CTPS1: variants seen among roughly 807,000 people sequenced by gnomAD.
CTPS1 encodes the protein CTP synthase 1.
Under a neutral mutation model 80.5 loss-of-function variants are expected in CTPS1, and 25 were observed. The observed-to-expected ratio is 0.31, with a 90% CI of 0.23 to 0.43. CTPS1 has a LOEUF of 0.43. Among genes scored for constraint, CTPS1 ranks in the 20% least tolerant of loss-of-function variants. The pLI is 1.00. For synonymous variants in CTPS1, 267 were observed against 252.5 expected, an observed-to-expected ratio of 1.06 and a Z score of -0.54; for missense variants, 442 against 725.7, an observed-to-expected ratio of 0.61 and a Z score of 4.49.
At chr1:40,980,436 G>T (rs1382529115) in intron 1 of CTPS1, 1 of 152,374 alleles carries the variant, frequency 6.6e-6, no homozygotes, top group African/African-American at 2.4e-5. Flanking sequence ...GGGGGTCGGG[G>T]CGCTGGCGGT....
At chr1:41,000,941 T>C (rs1558158421) in intron 9 of CTPS1, 88 bp from the exon 10 acceptor site, 2 of 791,548 alleles carry the variant, frequency 2.5e-6, no homozygotes, top group Non-Finnish European at 3.8e-6. Flanking sequence ...AAGACAACTT[T>C]GATAAAATGA....
intron 12 of CTPS1, chr1:41,004,179 G>A (rs1642976657): frequency 6.6e-6 from 1 of 152,252 alleles, no homozygotes; most frequent in African/African-American, 2.4e-5. Flanking sequence ...ATTCTCTGTA[G>A]CCCACCCGAC....
chr1:40,998,138 C>G (rs999698746), intron 9 of CTPS1, among the ~76,000 whole-genome samples: 2 of 152,102 alleles, frequency 1.3e-5, no homozygotes, highest in African/African-American at 4.8e-5. Flanking sequence ...TTGGCTCATG[C>G]CTGTAATCCC....
At position 40,996,551 on chromosome 1, in the gene CTPS1, A is replaced by C. The variant is rs577664690; in HGVS notation, c.872+483A>C. 3.2e-4 allele frequency among the ~76,000 whole-genome samples: 49 copies of C among 152,284 alleles called. No individual in the cohort carries two copies. The South Asian group carries it at 0.01, about 32-fold the overall frequency. ...CACTACATCCTTTTAAGGCTCGGTGATGCTGTCACATTCCTTCAGAAATCT... is the reference window on the plus strand; with the variant it reads ...CACTACATCCTTTTAAGGCTCGGTGCTGCTGTCACATTCCTTCAGAAATCT... On this transcript the variant is annotated intron_variant, in intron 8 of 18. Transcript: ENST00000650070.
chr1:40,988,533 A>G (rs1355730444), intron 4 of CTPS1, 61 bp from the exon 5 acceptor site: 10 of 1,113,134 alleles, frequency 9.0e-6, no homozygotes, highest in Non-Finnish European at 1.2e-5. Context: ...CAGTTGTTAG[A>G]AAACTAAACT....
intron 13 of CTPS1, among the ~76,000 whole-genome samples, chr1:41,006,694 T>C (rs535367185): frequency 1.3e-5 from 2 of 152,334 alleles, no homozygotes; most frequent in East Asian, 3.9e-4. Flanking sequence ...GTGACAGGGA[T>C]GTAAAGGGAA....
intron 7 of CTPS1, among the ~76,000 whole-genome samples, chr1:40,994,698 A>G (rs1467672534): frequency 6.6e-6 from 1 of 152,124 alleles, no homozygotes; most frequent in Non-Finnish European, 1.5e-5. Flanking sequence ...GATAATGGCT[A>G]ATATCTTCAG....
Position 41,006,083 on chromosome 1 carries a change from A to G in CTPS1, c.1285A>G (p.Ser429Gly). 6.2e-7 allele frequency: 1 copy of G among 1,613,670 alleles called. No homozygotes were observed. Among genetic ancestry groups the G allele is most frequent in the Non-Finnish European group, 8.5e-7 (1 of 1,179,538 alleles). ...TTCTACAGAGTTTGACCCTACGACC[A>G]GTCATCCCGTGGTGAGTCAAGTGTT... ...ANSTEFDPTT[S>G]HPVVVDMPEH... The change falls in exon 13 of 19, where the codon AGT (serine) becomes GGT (glycine). Residue 429 changes from serine to glycine, a missense_variant. This residue lies in a region of CTPS1 where 321 missense variants were observed against 467.2 expected (regional missense o/e 0.69). Coordinates refer to ENST00000650070, the MANE Select transcript of CTPS1 (RefSeq NM_001905.4).
At chr1:40,984,717 C>T (rs78630393) in intron 2 of CTPS1, 104 bp from the exon 3 acceptor site, 11,144 of 883,264 alleles carry the variant, frequency 0.013, 112 homozygotes, top group African/African-American at 0.038. Flanking sequence ...CTTCCTATTA[C>T]GTAATTGCAC....
At chr1:41,004,636 G>T (rs1337540721) in intron 12 of CTPS1, among the ~76,000 whole-genome samples, 1 of 152,194 alleles carries the variant, frequency 6.6e-6, no homozygotes, top group African/African-American at 2.4e-5. Flanking sequence ...TTGCCTTTTG[G>T]TCTTTAGTGG....
At position 41,008,879 on chromosome 1, in the gene CTPS1, T is replaced by C; in HGVS notation, c.1535T>C (p.Val512Ala). The change falls in exon 16 of 19, where the codon GTG (valine) becomes GCG (alanine). Residue 512 changes from valine (V) to alanine (A), a missense_variant. Val to Ala is a moderately conservative substitution (Grantham distance 64). Coordinates refer to ENST00000650070, the MANE Select transcript of CTPS1 (RefSeq NM_001905.4). ...GTTGAAGGAGAGAGAATGGAAATTG[T>C]GGAGTTAGAAGGTGATTATTCGGGC... The part of the protein sequence containing the change: ...QDVEGERMEI[V>A]ELEDHPFFVG... 1 of 1,613,512 alleles carries C rather than the reference T, an allele frequency of 6.2e-7. No individual in the cohort carries two copies. The highest frequency in any genetic ancestry group is 1.1e-5 in the South Asian group (1 of 91,068).
chr1:40,980,229 C>G (rs1043232768), intron 1 of CTPS1: 2 of 151,916 alleles, frequency 1.3e-5, no homozygotes, highest in Non-Finnish European at 2.9e-5. Flanking sequence ...CCTTGCTCTT[C>G]GTCTGCGAGG....
chr1:40,992,179 C>G (rs1642628204), intron 7 of CTPS1, among the ~76,000 whole-genome samples: 2 of 152,210 alleles, frequency 1.3e-5, no homozygotes, highest in Admixed American at 1.3e-4. Context: ...GTTGGCTTGG[C>G]AGTCTCCTAC....
At chr1:40,994,345 A>T (rs1642699706) in intron 7 of CTPS1, among the ~76,000 whole-genome samples, 1 of 152,224 alleles carries the variant, frequency 6.6e-6, no homozygotes, top group South Asian at 2.1e-4. Context: ...TGTTGAAAAG[A>T]CTATCCTTGG....
At chr1:41,010,369 GTGAGGTCT>G in intron 18 of CTPS1, 115 bp downstream of exon 18, 1 of 703,244 alleles carries the variant, frequency 1.4e-6, no homozygotes, top group Admixed American at 2.4e-5. Flanking sequence ...AATGAAAGTG[GTGAGGTCT>G]TGAATATAAT....
chr1:40,988,111 G>A (rs1003614385), intron 4 of CTPS1, among the ~76,000 whole-genome samples: 5 of 151,902 alleles, frequency 3.3e-5, no homozygotes, highest in Non-Finnish European at 5.9e-5. Context: ...GCAGGGTTTC[G>A]TCATTTTGCC....
At chr1:40,990,954 G>C (rs1279037188) in intron 5 of CTPS1, among the ~76,000 whole-genome samples, 1 of 152,154 alleles carries the variant, frequency 6.6e-6, no homozygotes, top group Non-Finnish European at 1.5e-5. Flanking sequence ...AAAGGGGAGA[G>C]TGGGTGAGGG....
At chr1:41,010,415 GT>G (rs1211107409) in intron 18 of CTPS1, among the ~76,000 whole-genome samples, 161 bp downstream of exon 18, 1 of 152,236 alleles carries the variant, frequency 6.6e-6, no homozygotes, top group Non-Finnish European at 1.5e-5. Flanking sequence ...AAAGAAAGTA[GT>G]GAGGTCATTG....
At chr1:40,981,776 T>G (rs1400748179) in intron 1 of CTPS1, among the ~76,000 whole-genome samples, 1 of 150,002 alleles carries the variant, frequency 6.7e-6, no homozygotes, top group East Asian at 2.0e-4. Context: ...CTTTTGGAAA[T>G]GCTGCAGCAG....
Sources: gnomAD v4.1 joint callset for allele counts (sites outside exome capture counted in the v4.1 genomes callset) on GRCh38, gnomAD v4.1.1 for gene constraint, gnomAD v4.1.1 regional missense constraint, MANE v1.5 for transcripts, NCBI Gene and HGNC (gene_info 2026-07-23, HGNC 2026-07-21) for gene names.